Variants in DSCAM observed in about 807,000 individuals in gnomAD.
DSCAM encodes DS cell adhesion molecule, also known as cell adhesion molecule DSCAM.
DSCAM carries 47 observed loss-of-function variants against 217.7 expected under a neutral mutation model. The ratio of observed to expected loss-of-function variants is 0.22; its 90% confidence interval spans 0.17 to 0.28. DSCAM has a LOEUF of 0.28. Ranked by LOEUF, DSCAM falls within the 10% of genes least tolerant of loss-of-function variation. The pLI, the probability that DSCAM is intolerant of heterozygous loss-of-function variation, is 1.00. For synonymous variants in DSCAM, 1,056 were observed against 1,015.3 expected (o/e 1.04, Z -0.76); for missense variants, 2,080 against 2,618.3 (o/e 0.79, Z 4.49).
intron 11 of DSCAM, among the ~76,000 whole-genome samples, chr21:40,264,559 A>G (rs896586998): frequency 5.3e-5 from 8 of 152,218 alleles, no homozygotes; most frequent in African/African-American, 9.6e-5. Flanking sequence ...ACATACCTCA[A>G]AATAAGAAAA....
intron 11 of DSCAM, among the ~76,000 whole-genome samples, chr21:40,251,200 A>G (rs955580160): frequency 1.3e-5 from 2 of 152,268 alleles, no homozygotes; most frequent in African/African-American, 4.8e-5. Flanking sequence ...CATGTGATAG[A>G]GAGTGCAGAC....
intron 27 of DSCAM, 110 bp from the exon 28 acceptor site, chr21:40,063,009 A>G: frequency 1.1e-6 from 1 of 906,190 alleles, no homozygotes; most frequent in Non-Finnish European, 1.6e-6. Context: ...TTTGAAACAC[A>G]ATCATATACC....
intron 3 of DSCAM, among the ~76,000 whole-genome samples, chr21:40,389,076 A>C (rs150940097): frequency 1.6e-4 from 25 of 152,344 alleles, no homozygotes; most frequent in African/African-American, 6.0e-4. Context: ...ATAAAAGATG[A>C]ATAGAAATCC....
intron 10 of DSCAM, among the ~76,000 whole-genome samples, chr21:40,277,937 A>G (rs35718341): frequency 0.026 from 3,920 of 152,086 alleles, 87 homozygotes; most frequent in Middle Eastern, 0.061. Context: ...ATAAGAATAT[A>G]ACTGTATTTA....
chr21:40,149,592 TCAC>T (rs1004929156), intron 16 of DSCAM, among the ~76,000 whole-genome samples: 4 of 142,976 alleles, frequency 2.8e-5, no homozygotes, highest in Non-Finnish European at 6.0e-5. Context: ...AACACCACTG[TCAC>T]CACCACCATC....
chr21:40,818,471 G>A (rs183234040), intron 1 of DSCAM, among the ~76,000 whole-genome samples: 28 of 144,092 alleles, frequency 1.9e-4, no homozygotes, highest in African/African-American at 3.6e-4. Context: ...GCCTGAACCC[G>A]GGAGGTGGAG....
At chr21:40,444,621 G>A (rs1274538443) in intron 3 of DSCAM, among the ~76,000 whole-genome samples, 1 of 152,078 alleles carries the variant, frequency 6.6e-6, no homozygotes, top group Non-Finnish European at 1.5e-5. Flanking sequence ...TAAAAACTGG[G>A]GCATAGCATA....
chr21:40,700,733 T>C, intron 2 of DSCAM, among the ~76,000 whole-genome samples: 1 of 149,190 alleles, frequency 6.7e-6, no homozygotes, highest in Non-Finnish European at 1.5e-5. Context: ...CTTTCTTTCT[T>C]TCTTTTTTTT....
At chr21:40,029,549 C>T (rs541850527) in intron 32 of DSCAM, among the ~76,000 whole-genome samples, 1 of 152,028 alleles carries the variant, frequency 6.6e-6, no homozygotes, top group Non-Finnish European at 1.5e-5. Context: ...TTGCATCACT[C>T]TCTCCTGAGG....
At position 40,821,111 on chromosome 21, in the gene DSCAM, CAT is replaced by C. The variant is rs572248638; in HGVS notation, c.43+25506_43+25507del. ...ATATAGAGAGATATATATATCTTCA[CAT>C]ATATATAGATATATATATCTTCACA... On this transcript the variant is annotated intron_variant, in intron 1 of 32. Coordinates refer to ENST00000400454, the MANE Select transcript of DSCAM (RefSeq NM_001389.5). Among the ~76,000 whole-genome samples the C allele has an allele frequency of 3.9e-5, 5 of 128,650 alleles. No individual in the cohort carries two copies. In the South Asian group the frequency reaches 1.0e-3, roughly 27 times the overall value. 84.4% of individuals were successfully genotyped at this position (128,650 alleles called of 152,430 possible).
At chr21:40,679,933 CCTAT>C (rs1160330934) in intron 3 of DSCAM, among the ~76,000 whole-genome samples, 1 of 152,166 alleles carries the variant, frequency 6.6e-6, no homozygotes, top group African/African-American at 2.4e-5. Context: ...CAAACAACGG[CCTAT>C]TTGTTTTGAA....
Position 40,042,547 on chromosome 21 carries a change from C to T in DSCAM, c.5510G>A (p.Cys1837Tyr). 1 of 1,614,212 alleles carries T rather than the reference C, an allele frequency of 6.2e-7. No individual in the cohort carries two copies. The highest frequency in any genetic ancestry group is 8.5e-7 in the Non-Finnish European group (1 of 1,180,046). The change falls in exon 32 of 33, where the codon TGC (cysteine) becomes TAC (tyrosine). Residue 1837 changes from cysteine to tyrosine, a missense_variant. Physicochemically the swap from Cys to Tyr is radical, Grantham distance 194. This residue lies in a region of DSCAM where 1,144 missense variants were observed against 1,421.1 expected (regional missense o/e 0.81). Coordinates refer to ENST00000400454, the MANE Select transcript of DSCAM (RefSeq NM_001389.5). ...CTCCGATGACGTGTCTGATATGAAG[C>T]ACTCCGTGATGGTGAACTTGGCGTG... ...LRHAKFTITE[C>Y]FISDTSSEQL...
intron 20 of DSCAM, among the ~76,000 whole-genome samples, chr21:40,103,604 C>T (rs977006318): frequency 2.0e-5 from 3 of 151,958 alleles, no homozygotes; most frequent in Non-Finnish European, 4.4e-5. Flanking sequence ...GAGAGGCCAA[C>T]ATTGGTAGAA....
At chr21:40,734,980 CAG>C (rs2091049010) in intron 1 of DSCAM, among the ~76,000 whole-genome samples, 1 of 152,178 alleles carries the variant, frequency 6.6e-6, no homozygotes, top group Non-Finnish European at 1.5e-5. Flanking sequence ...TGTCACAAAA[CAG>C]AAATGCTGGT....
In DSCAM at chr21:40,426,088, C is replaced by T. The variant is rs138199913; in HGVS notation, c.509-56843G>A. Among the ~76,000 whole-genome samples, 245 of 152,310 alleles carry T rather than the reference C, an allele frequency of 1.6e-3. 2 individuals carry two copies. The highest frequency in any genetic ancestry group is 4.7e-3 in the African/African-American group (197 of 41,574). ...CATGGATTGGGGTCAGAGGGTGTGG[C>T]TGGCCCCATACTACTCCATTGGTAG... is the stretch of plus-strand genomic sequence containing the variant. On this transcript the variant is annotated intron_variant, in intron 3 of 32. Coordinates refer to ENST00000400454, the MANE Select transcript of DSCAM (RefSeq NM_001389.5).
intron 1 of DSCAM, among the ~76,000 whole-genome samples, chr21:40,739,250 G>A (rs892395811): frequency 2.0e-5 from 3 of 152,114 alleles, no homozygotes; most frequent in Non-Finnish European, 4.4e-5. Flanking sequence ...GCAATGCTGG[G>A]GGGAGGTGGG....
intron 3 of DSCAM, among the ~76,000 whole-genome samples, chr21:40,687,841 A>C (rs2090497734): frequency 6.6e-6 from 1 of 152,190 alleles, no homozygotes; most frequent in African/African-American, 2.4e-5. Flanking sequence ...TCTCAACAGC[A>C]GAAACCATCT....
At chr21:40,237,717 T>C (rs1471266136) in intron 11 of DSCAM, among the ~76,000 whole-genome samples, 3 of 152,226 alleles carry the variant, frequency 2.0e-5, no homozygotes, top group Non-Finnish European at 2.9e-5. Context: ...TATAATCCTT[T>C]GGGTATGTAC....
chr21:40,621,580 C>G (rs965953135), intron 3 of DSCAM, among the ~76,000 whole-genome samples: 1 of 148,398 alleles, frequency 6.7e-6, no homozygotes, highest in Non-Finnish European at 1.5e-5. Context: ...TGCTTGGGGA[C>G]CAGATGGGAT....
Sources: allele counts gnomAD v4.1 joint callset (sites outside exome capture counted in the v4.1 genomes callset), GRCh38; gene constraint gnomAD v4.1.1; regional missense constraint gnomAD v4.1.1; transcripts MANE v1.5; gene names NCBI Gene and HGNC (gene_info 2026-07-23, HGNC 2026-07-21).